Variants in HECW2 observed in about 807,000 individuals in gnomAD.
HECW2 encodes the protein E3 ubiquitin-protein ligase HECW2.
HECW2 carries 61 observed loss-of-function variants against 175.2 expected under a neutral mutation model. The ratio of observed to expected loss-of-function variants is 0.35; its 90% confidence interval spans 0.28 to 0.43. The LOEUF (loss-of-function observed/expected upper bound fraction) is 0.43, where lower values mean the gene tolerates loss of function less well. HECW2 is among the 20% of genes least tolerant of loss of function. The probability of loss-of-function intolerance (pLI) is 1.00; values close to 1 mark genes in which losing one functional copy is unlikely to be tolerated. For synonymous variants in HECW2, 671 were observed against 731.0 expected (o/e 0.92, Z 1.32); for missense variants, 1,524 against 2,000.5 (o/e 0.76, Z 4.54).
chr2:196,362,213 C>T (rs751689480), intron 2 of HECW2: 247 of 985,162 alleles, frequency 2.5e-4, no homozygotes, highest in Non-Finnish European at 2.8e-4. Flanking sequence ...CTGAGGCAGT[C>T]GTGGCCACAC....
rs368552537 is a variant in HECW2, at chr2:196,278,517, G to A, written c.3135+11C>T. On this transcript the variant is annotated intron_variant, in intron 15 of 28. Coordinates refer to ENST00000644978, the MANE Select transcript of HECW2 (RefSeq NM_001348768.2). The stretch of plus-strand genomic sequence containing the variant: ...CAACCAACAGGTCAGTCCCCAAAAC[G>A]CATGACTCACCTCACCCGCACTGTG... 14 of 1,611,032 alleles carry A rather than the reference G, an allele frequency of 8.7e-6. No homozygotes were observed. In the East Asian group the frequency reaches 8.9e-5, roughly 10 times the overall value.
chr2:196,241,550 T>C (rs1688455617), intron 20 of HECW2, among the ~76,000 whole-genome samples: 1 of 151,732 alleles, frequency 6.6e-6, no homozygotes, highest in Admixed American at 6.6e-5. Flanking sequence ...GAAAGAAGGG[T>C]AAGTAGGGAA....
intron 13 of HECW2, among the ~76,000 whole-genome samples, chr2:196,300,723 G>A (rs747713841): frequency 8.2e-5 from 11 of 134,472 alleles, no homozygotes; most frequent in Non-Finnish European, 9.9e-5. Context: ...TATCTCACAT[G>A]CATATATTTA....
chr2:196,357,478 A>G (rs1559064661), intron 2 of HECW2, among the ~76,000 whole-genome samples: 1 of 152,124 alleles, frequency 6.6e-6, no homozygotes. Context: ...CTCAATTTTA[A>G]TCAGTCAAAA....
chr2:196,214,338 G>GATTAAATAT (rs1342395617), intron 28 of HECW2, among the ~76,000 whole-genome samples: 4 of 152,118 alleles, frequency 2.6e-5, no homozygotes, highest in Non-Finnish European at 4.4e-5. Flanking sequence ...TATGAACAGT[G>GATTAAATAT]GACATATCTG....
At chr2:196,429,289 C>A (rs1218649882) in intron 2 of HECW2, among the ~76,000 whole-genome samples, 1 of 152,160 alleles carries the variant, frequency 6.6e-6, no homozygotes, top group Admixed American at 6.5e-5. Flanking sequence ...CTCACAATGA[C>A]CCTATCAGGG....
At position 196,433,145 on chromosome 2, in the gene HECW2, T is replaced by G. The variant is rs761404064; in HGVS notation, c.279A>C (p.Gly93=). Residue 93 remains glycine (G), a synonymous_variant, in exon 2 of 29, where the codon GGA becomes GGC. Coordinates refer to ENST00000644978, the MANE Select transcript of HECW2 (RefSeq NM_001348768.2). ...KEEVDPSDWI[G]LYHIDENSPA... is the part of the protein sequence containing the mutation. Reference sequence around the variant, plus strand: ...CACTTGACTCACCTATATGATAAAGTCCAATCCAATCACTGGGGTCCACCT... The same window carrying G: ...CACTTGACTCACCTATATGATAAAGGCCAATCCAATCACTGGGGTCCACCT... 1 of 1,612,058 alleles carries G rather than the reference T, an allele frequency of 6.2e-7. No homozygotes were observed. The highest frequency in any genetic ancestry group is 1.7e-5 in the Admixed American group (1 of 59,954).
intron 1 of HECW2, among the ~76,000 whole-genome samples, chr2:196,527,127 G>A (rs796957030): frequency 6.6e-6 from 1 of 152,194 alleles, no homozygotes; most frequent in Admixed American, 6.5e-5. Context: ...AGCAATCAGC[G>A]AGACTCCGTG....
rs117579748 is a variant in HECW2, at chr2:196,505,079, A to G, written c.-35-71621T>C. Among the ~76,000 whole-genome samples, 181 of 152,342 alleles carry G rather than the reference A, an allele frequency of 1.2e-3. 4 individuals are homozygous for G. In the East Asian group the frequency reaches 0.028, roughly 24 times the overall value. On this transcript the variant is annotated intron_variant, in intron 1 of 28. Coordinates refer to ENST00000644978, the MANE Select transcript of HECW2 (RefSeq NM_001348768.2). Reference sequence around the variant, plus strand: ...CAAAGAGTCTTATGTATCAGTCAACAGAGACATCAGCTCCATCATGCCTTA... The same window carrying G: ...CAAAGAGTCTTATGTATCAGTCAACGGAGACATCAGCTCCATCATGCCTTA...
At chr2:196,307,033 A>G (rs1691291077) in intron 12 of HECW2, 97 bp downstream of exon 12, 1 of 811,862 alleles carries the variant, frequency 1.2e-6, no homozygotes. Context: ...TTGAAGAGCA[A>G]AAGTTCTCCA....
intron 2 of HECW2, among the ~76,000 whole-genome samples, chr2:196,395,616 T>C (rs555807046): frequency 6.6e-6 from 1 of 151,834 alleles, no homozygotes; most frequent in African/African-American, 2.4e-5. Flanking sequence ...AAAAAGATGT[T>C]TAACATCACT....
intron 2 of HECW2, among the ~76,000 whole-genome samples, chr2:196,373,849 G>C (rs572492301): frequency 1.3e-5 from 2 of 151,940 alleles, no homozygotes; most frequent in African/African-American, 4.8e-5. Flanking sequence ...CGGCTAAAAC[G>C]GTGAAACCCC....
intron 21 of HECW2, chr2:196,238,867 G>A (rs1411245740): frequency 6.6e-6 from 1 of 152,218 alleles, no homozygotes; most frequent in Non-Finnish European, 1.5e-5. Flanking sequence ...AGGAAAACCA[G>A]TCATGATAAA....
chr2:196,385,327 A>T (rs1301287943), intron 2 of HECW2, among the ~76,000 whole-genome samples: 1 of 152,234 alleles, frequency 6.6e-6, no homozygotes, highest in African/African-American at 2.4e-5. Flanking sequence ...AGAATATAAA[A>T]GCTCTAGTTA....
chr2:196,370,151 T>C (rs1693866408), intron 2 of HECW2, among the ~76,000 whole-genome samples: 1 of 151,930 alleles, frequency 6.6e-6, no homozygotes, highest in Non-Finnish European at 1.5e-5. Flanking sequence ...CCAGCATGTC[T>C]CCAAGTCTCA....
intron 13 of HECW2, among the ~76,000 whole-genome samples, chr2:196,304,258 C>T (rs755330250): frequency 5.9e-5 from 9 of 152,168 alleles, no homozygotes; most frequent in Non-Finnish European, 1.0e-4. Flanking sequence ...TTTACCTTAT[C>T]GGCTTCTGGG....
Position 196,220,206 on chromosome 2 carries a change from G to T in HECW2, c.4294-53C>A. 3 of 1,165,862 alleles carry T rather than the reference G, an allele frequency of 2.6e-6. No individual in the cohort carries two copies. The South Asian group carries it at 3.7e-5, about 14-fold the overall frequency. 72.2% of individuals were successfully genotyped at this position (1,165,862 alleles called of 1,614,324 possible). A position where few individuals can be genotyped will look rare whatever the true frequency, so the allele number is the denominator to read the frequency against. ...GGCTTAGGAGCCTGGAGAAATATCA[G>T]CTATAATTAAGCCTTAGAAAAGGGG... On this transcript the variant is annotated intron_variant, in intron 25 of 28. Coordinates refer to ENST00000644978, the MANE Select transcript of HECW2 (RefSeq NM_001348768.2).
intron 1 of HECW2, among the ~76,000 whole-genome samples, chr2:196,573,231 G>T (rs1249284380): frequency 7.5e-6 from 1 of 133,284 alleles, no homozygotes; most frequent in Non-Finnish European, 1.6e-5. Context: ...CTCCATAAAA[G>T]CAATAAGAAT....
intron 1 of HECW2, among the ~76,000 whole-genome samples, chr2:196,464,753 G>A (rs1696881250): frequency 6.6e-6 from 1 of 152,128 alleles, no homozygotes; most frequent in Non-Finnish European, 1.5e-5. Flanking sequence ...TTAAAGAAGG[G>A]GACAGTGGCC....
Sources: allele counts gnomAD v4.1 joint callset (sites outside exome capture counted in the v4.1 genomes callset), GRCh38; gene constraint gnomAD v4.1.1; transcripts MANE v1.5; gene names NCBI Gene and HGNC (gene_info 2026-07-23, HGNC 2026-07-21).